The following ZFPM2 variants were observed in gnomAD, a reference collection of about 807,000 sequenced individuals.
ZFPM2 encodes zinc finger protein ZFPM2.
In ZFPM2, 20 loss-of-function variants were observed where a neutral mutation model predicts 98.6. The observed-to-expected ratio is 0.20, with a 90% CI of 0.14 to 0.29. The LOEUF (loss-of-function observed/expected upper bound fraction) is 0.29. Among genes scored for constraint, ZFPM2 ranks in the 10% least tolerant of loss-of-function variants. The pLI, the probability that ZFPM2 is intolerant of heterozygous loss-of-function variation, is 1.00. For missense variants in ZFPM2, 1,310 were observed against 1,388.6 expected, an observed-to-expected ratio of 0.94 and a Z score of 0.90; for synonymous variants, 518 against 502.7, an observed-to-expected ratio of 1.03 and a Z score of -0.41.
intron 6 of ZFPM2, among the ~76,000 whole-genome samples, chr8:105,793,818 C>T (rs765319751): frequency 3.6e-4 from 45 of 123,328 alleles, no homozygotes; most frequent in African/African-American, 1.8e-3. Context: ...CTTCCCTTCT[C>T]GCTTCATTTC....
At chr8:105,509,650 G>A (rs1030585074) in intron 3 of ZFPM2, among the ~76,000 whole-genome samples, 1 of 152,068 alleles carries the variant, frequency 6.6e-6, no homozygotes, top group African/African-American at 2.4e-5. Flanking sequence ...GCTCCCATGA[G>A]CTTCATTAAG....
rs531285205 is a variant in ZFPM2, at chr8:105,641,273, T to G, written c.532+6916T>G. ...ACTACGGAGATCAACAGAATCATTTTCATTAAGAAAATTATTAATGATGGT... is the reference window on the plus strand; with the variant it reads ...ACTACGGAGATCAACAGAATCATTTGCATTAAGAAAATTATTAATGATGGT... On this transcript the variant is annotated intron_variant, in intron 5 of 7. Coordinates refer to ENST00000407775, the MANE Select transcript of ZFPM2 (RefSeq NM_012082.4). Among the ~76,000 whole-genome samples the G allele has an allele frequency of 2.0e-5, 3 of 152,198 alleles. No individual in the cohort carries two copies. In the South Asian group the frequency reaches 6.2e-4, roughly 32 times the overall value.
intron 6 of ZFPM2, among the ~76,000 whole-genome samples, chr8:105,792,571 T>G (rs559980954): frequency 2.6e-5 from 4 of 152,162 alleles, no homozygotes; most frequent in Non-Finnish European, 5.9e-5. Flanking sequence ...GTTGATTTGG[T>G]GTGGAGAGTT....
chr8:105,736,255 A>T (rs1436691406), intron 5 of ZFPM2, among the ~76,000 whole-genome samples: 5 of 151,978 alleles, frequency 3.3e-5, no homozygotes, highest in Admixed American at 6.6e-5. Flanking sequence ...TCAAAGAAAT[A>T]TGAGCCAGAA....
intron 1 of ZFPM2, among the ~76,000 whole-genome samples, chr8:105,359,173 G>T (rs553636948): frequency 2.6e-5 from 4 of 151,912 alleles, no homozygotes; most frequent in Non-Finnish European, 5.9e-5. Flanking sequence ...TTGATAGATG[G>T]TAGTTTTCCC....
At chr8:105,681,927 G>A (rs1272157853) in intron 5 of ZFPM2, among the ~76,000 whole-genome samples, 1 of 152,014 alleles carries the variant, frequency 6.6e-6, no homozygotes, top group Non-Finnish European at 1.5e-5. Flanking sequence ...CTGTGCAGGA[G>A]GCCTTCTCAG....
intron 3 of ZFPM2, among the ~76,000 whole-genome samples, chr8:105,497,133 C>T (rs147910513): frequency 0.045 from 6,789 of 151,874 alleles, 521 homozygotes; most frequent in African/African-American, 0.15. Flanking sequence ...CTACAGGTGC[C>T]CACCACCATA....
chr8:105,547,819 C>A (rs1404855575), intron 3 of ZFPM2, among the ~76,000 whole-genome samples: 1 of 152,042 alleles, frequency 6.6e-6, no homozygotes, highest in East Asian at 1.9e-4. Flanking sequence ...TAATTTCTAT[C>A]TTCTGATATT....
chr8:105,469,259 T>G (rs1347856344), intron 3 of ZFPM2, among the ~76,000 whole-genome samples: 1 of 152,210 alleles, frequency 6.6e-6, no homozygotes, highest in African/African-American at 2.4e-5. Flanking sequence ...TTCAGAGTGC[T>G]CACTCTTAAG....
rs576692633 is a variant in ZFPM2 at position 105,750,801 on chromosome 8, C to T, written c.533-37917C>T. On this transcript the variant is annotated intron_variant, in intron 5 of 7. Coordinates refer to ENST00000407775, the MANE Select transcript of ZFPM2 (RefSeq NM_012082.4). ...TTGGTGAAATCTACCTTAGGAGCAACGATGACATTTTAAATGTAAATGTAA... is the reference window on the plus strand; with the variant it reads ...TTGGTGAAATCTACCTTAGGAGCAATGATGACATTTTAAATGTAAATGTAA... Among the ~76,000 whole-genome samples the T allele has an allele frequency of 9.7e-4, 148 of 152,008 alleles. 1 individual carries two copies. Among genetic ancestry groups the T allele is most frequent in the South Asian group, 2.1e-3 (10 of 4,818 alleles).
At chr8:105,753,295 G>T (rs994261097) in intron 5 of ZFPM2, among the ~76,000 whole-genome samples, 1 of 152,028 alleles carries the variant, frequency 6.6e-6, no homozygotes, top group African/African-American at 2.4e-5. Context: ...TTAGCACTTG[G>T]AGGTTGGAGA....
chr8:105,644,864 A>G (rs570217224), intron 5 of ZFPM2, among the ~76,000 whole-genome samples: 1 of 152,200 alleles, frequency 6.6e-6, no homozygotes, highest in South Asian at 2.1e-4. Flanking sequence ...CTCATGACCT[A>G]ATTGCCTCAC....
At position 105,412,496 on chromosome 8, in the gene ZFPM2, T is replaced by G. The variant is rs897576236; in HGVS notation, c.41-6648T>G. ...AAAGAAATTAATCAAAAAGAAGAAT[T>G]TCTACCATATGATTCTCTGGTCTGC... On this transcript the variant is annotated intron_variant, in intron 1 of 7. Coordinates refer to ENST00000407775, the MANE Select transcript of ZFPM2 (RefSeq NM_012082.4). 4.6e-5 allele frequency among the ~76,000 whole-genome samples: 7 copies of G among 151,744 alleles called. No individual in the cohort carries two copies. The Admixed American group carries it at 4.6e-4, about 10-fold the overall frequency.
chr8:105,674,291 G>A (rs1423628542), intron 5 of ZFPM2, among the ~76,000 whole-genome samples: 1 of 152,164 alleles, frequency 6.6e-6, no homozygotes, highest in Non-Finnish European at 1.5e-5. Context: ...TTATGAAATG[G>A]CCTGCCTGCC....
chr8:105,667,617 C>A (rs1215803656), intron 5 of ZFPM2, among the ~76,000 whole-genome samples: 1 of 152,138 alleles, frequency 6.6e-6, no homozygotes, highest in Non-Finnish European at 1.5e-5. Flanking sequence ...TTTCTAACTA[C>A]ACATCTGTGC....
intron 5 of ZFPM2, among the ~76,000 whole-genome samples, chr8:105,636,155 T>G (rs940913011): frequency 1.6e-4 from 24 of 152,106 alleles, no homozygotes; most frequent in Non-Finnish European, 2.1e-4. Context: ...ATCAAAAGGT[T>G]TTGGATTTTG....
intron 4 of ZFPM2, among the ~76,000 whole-genome samples, chr8:105,596,285 A>G (rs1815968360): frequency 6.6e-6 from 1 of 152,102 alleles, no homozygotes; most frequent in Admixed American, 6.6e-5. Context: ...ACAAAAGAGT[A>G]AACAATCAGA....
At chr8:105,587,316 C>G (rs1437502707) in intron 4 of ZFPM2, among the ~76,000 whole-genome samples, 1 of 147,316 alleles carries the variant, frequency 6.8e-6, no homozygotes, top group Non-Finnish European at 1.5e-5. Context: ...ACTTAACAGT[C>G]TTAGAGATGA....
In ZFPM2 at chr8:105,487,215, C is replaced by T. The variant is rs544520864; in HGVS notation, c.301+42834C>T. Among the ~76,000 whole-genome samples the T allele has an allele frequency of 3.3e-5, 5 of 152,208 alleles. No individual in the cohort carries two copies. In the South Asian group the frequency reaches 6.2e-4, roughly 19 times the overall value. On this transcript the variant is annotated intron_variant, in intron 3 of 7. Transcript: ENST00000407775. ...GTAGCCTGGACCTCCTGGGCTCAAG[C>T]GATCCTCCCACCGCAGCCTCCTTAC...
Sources: gnomAD v4.1 joint callset for allele counts (sites outside exome capture counted in the v4.1 genomes callset) on GRCh38, gnomAD v4.1.1 for gene constraint, MANE v1.5 for transcripts, NCBI Gene and HGNC (gene_info 2026-07-23, HGNC 2026-07-21) for gene names.